Variants in CDK14 observed in about 807,000 individuals in gnomAD.
CDK14 encodes cyclin dependent kinase 14.
CDK14 carries 34 observed loss-of-function variants against 60.7 expected under a neutral mutation model. That is an observed-to-expected ratio of 0.56 (90% confidence interval 0.43 to 0.75). CDK14 has a LOEUF of 0.75. Ranked by LOEUF, CDK14 falls within the 30% of genes least tolerant of loss-of-function variation. The probability of loss-of-function intolerance (pLI) is 0.00; values close to 1 mark genes in which losing one functional copy is unlikely to be tolerated. For synonymous variants in CDK14, 197 were observed against 203.7 expected (o/e 0.97, Z 0.28); for missense variants, 482 against 564.1 (o/e 0.85, Z 1.47).
chr7:90,634,303 A>T (rs1360730528), intron 2 of CDK14, among the ~76,000 whole-genome samples: 1 of 104,418 alleles, frequency 9.6e-6, no homozygotes, highest in Non-Finnish European at 1.8e-5. Flanking sequence ...ACCCCACAGC[A>T]GTCCCCAGAG....
chr7:91,058,159 T>C (rs1320524353), intron 11 of CDK14, among the ~76,000 whole-genome samples: 1 of 152,184 alleles, frequency 6.6e-6, no homozygotes, highest in Non-Finnish European at 1.5e-5. Flanking sequence ...TTTTATTCTC[T>C]TTGAAGCAAT....
rs559510710 is a variant in CDK14, at chr7:90,615,069, A to G, written c.123+10820A>G. 1.7e-4 allele frequency among the ~76,000 whole-genome samples: 26 copies of G among 152,306 alleles called. No individual in the cohort carries two copies. In the South Asian group the frequency reaches 1.9e-3, roughly 11 times the overall value. Reference sequence around the variant, plus strand: ...AAATTAATAGTTTTCCTGTTTTTCAATAGCTACTCTAAATTCTATGATAAT... The same window carrying G: ...AAATTAATAGTTTTCCTGTTTTTCAGTAGCTACTCTAAATTCTATGATAAT... On this transcript the variant is annotated intron_variant, in intron 2 of 14. Transcript: ENST00000380050.
At chr7:90,796,184 G>C (rs1788420892) in intron 5 of CDK14, among the ~76,000 whole-genome samples, 1 of 152,098 alleles carries the variant, frequency 6.6e-6, no homozygotes, top group African/African-American at 2.4e-5. Context: ...GTGGGATCTT[G>C]TTCTGTGGGT....
chr7:90,895,349 T>TCCTCA (rs1562817492), intron 6 of CDK14, among the ~76,000 whole-genome samples: 13 of 88,656 alleles, frequency 1.5e-4, no homozygotes, highest in Non-Finnish European at 2.3e-4. Context: ...TCCTCTCCTC[T>TCCTCA]CCTCTCCTCA....
chr7:90,759,299 T>C (rs146524762), intron 4 of CDK14, among the ~76,000 whole-genome samples: 18 of 152,258 alleles, frequency 1.2e-4, no homozygotes, highest in African/African-American at 3.1e-4. Flanking sequence ...CCCAAGCAAA[T>C]ATAATGAGAT....
At chr7:90,836,851 A>G (rs1448424583) in intron 5 of CDK14, among the ~76,000 whole-genome samples, 1 of 152,206 alleles carries the variant, frequency 6.6e-6, no homozygotes, top group African/African-American at 2.4e-5. Flanking sequence ...AAGCTCTATC[A>G]TAATCTTATG....
chr7:91,122,304 T>C (rs892101025), intron 14 of CDK14, among the ~76,000 whole-genome samples: 1 of 152,192 alleles, frequency 6.6e-6, no homozygotes, highest in Admixed American at 6.5e-5. Flanking sequence ...TGTGTCGGAC[T>C]CTCTACTTGG....
chr7:91,158,087 CATTAAAT>C (rs1801040228), intron 14 of CDK14, among the ~76,000 whole-genome samples: 2 of 129,578 alleles, frequency 1.5e-5, no homozygotes, highest in Non-Finnish European at 3.5e-5. Flanking sequence ...TAATTATATA[CATTAAAT>C]ATATATAAAT....
intron 2 of CDK14, among the ~76,000 whole-genome samples, chr7:90,624,239 C>T (rs1354009476): frequency 1.3e-5 from 2 of 152,118 alleles, no homozygotes; most frequent in African/African-American, 2.4e-5. Context: ...TTCTGCTTCT[C>T]CTGAAAAGGT....
At chr7:90,904,983 C>A (rs895639934) in intron 7 of CDK14, among the ~76,000 whole-genome samples, 1 of 152,130 alleles carries the variant, frequency 6.6e-6, no homozygotes, top group African/African-American at 2.4e-5. Flanking sequence ...GGTAAAATTA[C>A]CATTTTCAGA....
intron 14 of CDK14, among the ~76,000 whole-genome samples, chr7:91,182,750 A>T (rs1449921443): frequency 6.6e-6 from 1 of 152,192 alleles, no homozygotes; most frequent in African/African-American, 2.4e-5. Flanking sequence ...CAAAAGGAAA[A>T]AATATGAATG....
intron 14 of CDK14, among the ~76,000 whole-genome samples, chr7:91,143,225 C>A (rs991624400): frequency 2.6e-5 from 4 of 152,116 alleles, no homozygotes; most frequent in Non-Finnish European, 5.9e-5. Flanking sequence ...TGAAGCTGGA[C>A]AAGAAATGTA....
At chr7:90,865,567 A>T (rs1330293832) in intron 6 of CDK14, among the ~76,000 whole-genome samples, 1 of 152,176 alleles carries the variant, frequency 6.6e-6, no homozygotes, top group Non-Finnish European at 1.5e-5. Context: ...ATTATTAAAC[A>T]TTAAGTGCCT....
At chr7:90,676,998 A>G (rs1402840690) in intron 2 of CDK14, among the ~76,000 whole-genome samples, 1 of 151,992 alleles carries the variant, frequency 6.6e-6, no homozygotes, top group Non-Finnish European at 1.5e-5. Context: ...AATGAAGGGA[A>G]GTAATGATGT....
At chr7:90,740,270 TAGAG>T (rs397890123) in intron 3 of CDK14, among the ~76,000 whole-genome samples, 5,393 of 140,080 alleles carry the variant, frequency 0.038, 124 homozygotes, top group Middle Eastern at 0.065. Flanking sequence ...TATATATATA[TAGAG>T]AGAGAGAGAG....
intron 10 of CDK14, among the ~76,000 whole-genome samples, chr7:91,039,303 GAC>G (rs1797019553): frequency 6.6e-6 from 1 of 152,116 alleles, no homozygotes; most frequent in African/African-American, 2.4e-5. Context: ...CTCCAAGGCA[GAC>G]ACTTTTTAAA....
At chr7:90,680,675 C>G (rs1004782613) in intron 2 of CDK14, among the ~76,000 whole-genome samples, 13 of 152,150 alleles carry the variant, frequency 8.5e-5, no homozygotes, top group African/African-American at 3.1e-4. Context: ...ATCAGATATG[C>G]ATAATATGTA....
intron 2 of CDK14, chr7:90,709,229 C>A: frequency 3.0e-6 from 1 of 331,222 alleles, no homozygotes; most frequent in Non-Finnish European, 5.4e-6. Flanking sequence ...TTGCATATGA[C>A]AAATATATAC....
chr7:91,019,631 G>T (rs1796387429), intron 10 of CDK14, among the ~76,000 whole-genome samples: 1 of 151,942 alleles, frequency 6.6e-6, no homozygotes, highest in Non-Finnish European at 1.5e-5. Flanking sequence ...CTTAATTTCA[G>T]AAGTACATAT....
Sources: gnomAD v4.1 joint callset for allele counts (sites outside exome capture counted in the v4.1 genomes callset) on GRCh38, gnomAD v4.1.1 for gene constraint, MANE v1.5 for transcripts, NCBI Gene and HGNC (gene_info 2026-07-23, HGNC 2026-07-21) for gene names.